RDH12: variants seen among roughly 807,000 people sequenced by gnomAD.
The protein encoded by RDH12 is retinol dehydrogenase 12.
A neutral mutation model predicts 34.0 loss-of-function variants in RDH12; 21 were observed. The observed-to-expected ratio is 0.62, with a 90% confidence interval of 0.44 to 0.89. RDH12 has a LOEUF of 0.89. RDH12 is among the 40% of genes least tolerant of loss of function. The pLI is 0.00. For synonymous variants in RDH12, 198 were observed against 169.9 expected, an observed-to-expected ratio of 1.17 and a Z score of -1.29; for missense variants, 394 against 398.6, an observed-to-expected ratio of 0.99 and a Z score of 0.10.
At chr14:67,728,501 G>C (rs2038219362) in intron 7 of RDH12, among the ~76,000 whole-genome samples, 1 of 152,118 alleles carries the variant, frequency 6.6e-6, no homozygotes, top group Admixed American at 6.5e-5. Context: ...CCTTGGCCCT[G>C]CACCCTGCCA....
chr14:67,730,815 G>A (rs1175566837), intron 8 of RDH12, among the ~76,000 whole-genome samples: 1 of 152,138 alleles, frequency 6.6e-6, no homozygotes, highest in Non-Finnish European at 1.5e-5. Flanking sequence ...TGTTGGCCAG[G>A]CTGGTCTTGA....
intron 8 of RDH12, among the ~76,000 whole-genome samples, chr14:67,732,840 C>T (rs1167634905): frequency 6.6e-6 from 1 of 152,160 alleles, no homozygotes; most frequent in East Asian, 1.9e-4. Context: ...CTCAGCCTCC[C>T]AAAGTCCTGG....
At position 67,706,738 on chromosome 14, in the gene RDH12, C is replaced by T. The variant is rs371758395; in HGVS notation, c.-275+4803C>T. Among the ~76,000 whole-genome samples the T allele has an allele frequency of 3.2e-4, 48 of 152,134 alleles. 1 individual carries two copies. The highest frequency in any genetic ancestry group is 1.1e-3 in the African/African-American group (46 of 41,486). ...CCTTTGGCTTTGTGATTTTGGGGGC[C>T]GAGATCTTTTCCTTTCACATTTTCT... On this transcript the variant is annotated intron_variant, in intron 1 of 8. Coordinates refer to ENST00000551171, the MANE Select transcript of RDH12 (RefSeq NM_152443.3).
At chr14:67,723,598 C>T (rs2038150324) in intron 3 of RDH12, among the ~76,000 whole-genome samples, 1 of 152,204 alleles carries the variant, frequency 6.6e-6, no homozygotes, top group South Asian at 2.1e-4. Context: ...ATTCTAGGTT[C>T]TCCATAGAGA....
In RDH12 at chr14:67,724,983, C is replaced by A; in HGVS notation, c.188-116C>A. ...CGAAGTGGCAATATGTTCACTCTAC[C>A]GTTGAAGGATGGCTGGGAGAATGAA... On this transcript the variant is annotated intron_variant, in intron 4 of 8. Coordinates refer to ENST00000551171, the MANE Select transcript of RDH12 (RefSeq NM_152443.3). 5 of 1,191,280 alleles carry A rather than the reference C, an allele frequency of 4.2e-6. No homozygotes were observed. The South Asian group carries it at 6.1e-5, about 15-fold the overall frequency. 73.8% of individuals were successfully genotyped at this position (1,191,280 alleles called of 1,614,324 possible).
At chr14:67,732,366 A>T (rs1452092703) in intron 8 of RDH12, among the ~76,000 whole-genome samples, 1 of 147,862 alleles carries the variant, frequency 6.8e-6, no homozygotes, top group Non-Finnish European at 1.5e-5. Context: ...TCAGCCTGGG[A>T]GGTCAAGGCT....
chr14:67,733,625 T>A, intron 8 of RDH12, 121 bp from the exon 9 acceptor site: 1 of 678,660 alleles, frequency 1.5e-6, no homozygotes, highest in Non-Finnish European at 2.7e-6. Context: ...ATAATTAGTT[T>A]CTTTGAGTCT....
rs141369687 is a variant in RDH12 at position 67,729,547 on chromosome 14, C to T, written c.848+167C>T. On this transcript the variant is annotated intron_variant, in intron 8 of 8. Coordinates refer to ENST00000551171, the MANE Select transcript of RDH12 (RefSeq NM_152443.3). ...TGCTTTGTTAAGGAAACTTACAGTA[C>T]AAACTTATGTGTTGGGAAGAGTTGC... 9.9e-3 allele frequency: 6,967 copies of T among 703,854 alleles called. 63 individuals carry two copies. Among genetic ancestry groups the T allele is most frequent in the Middle Eastern group, 0.022 (60 of 2,706 alleles). 43.6% of individuals were successfully genotyped at this position (703,854 alleles called of 1,614,324 possible). A position where few individuals can be genotyped will look rare whatever the true frequency, so the allele number is the denominator to read the frequency against.
intron 1 of RDH12, among the ~76,000 whole-genome samples, chr14:67,711,911 G>A (rs150086376): frequency 6.6e-6 from 1 of 152,128 alleles, no homozygotes; most frequent in Non-Finnish European, 1.5e-5. Context: ...ATTTTATTTA[G>A]ATAGGGACTA....
At chr14:67,715,381 A>C (rs1289303041) in intron 1 of RDH12, among the ~76,000 whole-genome samples, 1 of 152,244 alleles carries the variant, frequency 6.6e-6, no homozygotes, top group East Asian at 1.9e-4. Flanking sequence ...AGAAAATAGC[A>C]AAACATTTTG....
chr14:67,732,238 A>T (rs566763541), intron 8 of RDH12, among the ~76,000 whole-genome samples: 1 of 151,798 alleles, frequency 6.6e-6, no homozygotes, highest in Non-Finnish European at 1.5e-5. Context: ...GGAATTCCAT[A>T]CCAGCCTGGA....
Position 67,726,042 on chromosome 14 carries a change from G to A in RDH12, c.344-9G>A, listed in dbSNP as rs746242098. 1.3e-6 allele frequency: 2 copies of A among 1,595,808 alleles called. No homozygotes were observed. The highest frequency in any genetic ancestry group is 1.1e-5 in the South Asian group (1 of 90,696). On this transcript the variant is annotated splice_polypyrimidine_tract_variant and intron_variant, in intron 5 of 8. Transcript: ENST00000551171. ...CTAACCATAGGATCTCTTTGGTTGT[G>A]CCCTATAGAGGAAAAGCAGCTCCAT...
chr14:67,704,244 G>T (rs1022902193), intron 1 of RDH12, among the ~76,000 whole-genome samples: 1 of 152,192 alleles, frequency 6.6e-6, no homozygotes, highest in African/African-American at 2.4e-5. Flanking sequence ...GATTACGGGG[G>T]TAGAAGGAGG....
At position 67,729,261 on chromosome 14, in the gene RDH12, G is replaced by C. The variant is rs2038234251; in HGVS notation, c.729G>C (p.Leu243=). ...VRSELVRHSS[L]LCLLWRLFSP... ...CTGAGCTGGTCCGGCACTCCTCCCTGCTCTGCCTGCTCTGGCGGCTCTTCT... is the reference window on the plus strand; with the variant it reads ...CTGAGCTGGTCCGGCACTCCTCCCTCCTCTGCCTGCTCTGGCGGCTCTTCT... Residue 243 remains leucine (L), a synonymous_variant, in exon 8 of 9, where the codon CTG becomes CTC. Transcript: ENST00000551171. 1 of 1,607,782 alleles carries C rather than the reference G, an allele frequency of 6.2e-7. No homozygotes were observed. The highest frequency in any genetic ancestry group is 8.5e-7 in the Non-Finnish European group (1 of 1,179,942).
At chr14:67,712,734 C>A (rs2038023511) in intron 1 of RDH12, among the ~76,000 whole-genome samples, 2 of 152,120 alleles carry the variant, frequency 1.3e-5, no homozygotes, top group Admixed American at 6.5e-5. Context: ...ATTTAGGAAC[C>A]AAACCTAGGC....
intron 1 of RDH12, among the ~76,000 whole-genome samples, chr14:67,715,931 T>C (rs999487402): frequency 2.6e-5 from 4 of 152,120 alleles, no homozygotes; most frequent in African/African-American, 9.7e-5. Flanking sequence ...GGCAGTGGCT[T>C]ACGCCTGTAA....
At chr14:67,702,727 A>G (rs931677565) in intron 1 of RDH12, among the ~76,000 whole-genome samples, 4 of 152,248 alleles carry the variant, frequency 2.6e-5, no homozygotes, top group Non-Finnish European at 5.9e-5. Context: ...GGTATCATGT[A>G]GATACAACAT....
chr14:67,715,345 T>G (rs2038057664), intron 1 of RDH12: 1 of 152,264 alleles, frequency 6.6e-6, no homozygotes, highest in Non-Finnish European at 1.5e-5. Flanking sequence ...TAAATGATTC[T>G]CTATATTATT....
intron 1 of RDH12, among the ~76,000 whole-genome samples, chr14:67,702,931 A>G (rs1439907122): frequency 3.3e-5 from 5 of 152,136 alleles, no homozygotes; most frequent in Non-Finnish European, 2.9e-5. Flanking sequence ...CTCCCACCTC[A>G]GCCTCCTGAG....
Sources: allele counts gnomAD v4.1 joint callset (sites outside exome capture counted in the v4.1 genomes callset), GRCh38; gene constraint gnomAD v4.1.1; transcripts MANE v1.5; gene names NCBI Gene and HGNC (gene_info 2026-07-23, HGNC 2026-07-21).